Variants in ZNF219 observed in about 807,000 individuals in gnomAD.
ZNF219 encodes the protein zinc finger protein 219.
Under a neutral mutation model 54.4 loss-of-function variants are expected in ZNF219, and 17 were observed. That is an observed-to-expected ratio of 0.31 (90% CI 0.21 to 0.47). ZNF219 has a LOEUF of 0.47. Ranked by LOEUF, ZNF219 falls within the 20% of genes least tolerant of loss-of-function variation. The probability of loss-of-function intolerance (pLI) is 1.00; values close to 1 mark genes in which losing one functional copy is unlikely to be tolerated. For synonymous variants in ZNF219, 518 were observed against 476.4 expected (o/e 1.09, Z -1.14); for missense variants, 1,014 against 1,062.3 (o/e 0.95, Z 0.63).
At chr14:21,095,719 C>T (rs1446846979) in intron 1 of ZNF219, among the ~76,000 whole-genome samples, 1 of 152,000 alleles carries the variant, frequency 6.6e-6, no homozygotes, top group Admixed American at 6.6e-5. Flanking sequence ...ATCGCAGATA[C>T]AACACAGAAA....
rs912588840 is a variant in ZNF219, at chr14:21,092,150, T to G, written c.1147A>C (p.Ser383Arg). The G allele has an allele frequency of 6.1e-6, 9 of 1,478,218 alleles. No individual in the cohort carries two copies. Among genetic ancestry groups the G allele is most frequent in the Non-Finnish European group, 8.0e-6 (9 of 1,119,784 alleles). The allele number at this position is 1,478,218 out of a possible 1,614,324, so 91.6% of individuals were successfully genotyped here. The change falls in exon 3 of 5, where the codon AGC becomes CGC. Residue 383 changes from serine (S) to arginine (R), a missense_variant. By Grantham distance (110) the Ser-to-Arg change is moderately radical. This residue lies in a region of ZNF219 where 272 missense variants were observed against 248.9 expected (regional missense o/e 1.09). Transcript: ENST00000360947. ...GGCCGGCCCTCGCCAGCTCGCAGGC[T>G]CAGGTAGCCCAAGAGGCTCGGGGGC... is the stretch of plus-strand genomic sequence containing the variant. ...REPPSLLGYL[S>R]LRAGEGRPNG...
chr14:21,102,509 C>T (rs1403967931), upstream of ZNF219: 6 of 1,551,632 alleles, frequency 3.9e-6, no homozygotes, highest in Non-Finnish European at 4.4e-6. Context: ...CAACTGCCTC[C>T]TCCCAGGTAC....
chr14:21,097,628 C>T (rs1889347938), intron 1 of ZNF219, among the ~76,000 whole-genome samples: 1 of 152,076 alleles, frequency 6.6e-6, no homozygotes, highest in Non-Finnish European at 1.5e-5. Context: ...CCAGCAGCAC[C>T]CCAGACCCCT....
intron 1 of ZNF219, among the ~76,000 whole-genome samples, chr14:21,094,726 T>TGGGCGGG (rs796574922): frequency 1.7e-4 from 1 of 5,892 alleles, no homozygotes; most frequent in Non-Finnish European, 3.4e-4. Flanking sequence ...GGATAGGGGT[T>TGGGCGGG]GGGGGGGGGG....
In ZNF219 at chr14:21,091,955, A is replaced by C; in HGVS notation, c.1342T>G (p.Ser448Ala). The stretch of plus-strand genomic sequence containing the variant: ...GGGCGCGGGTGCAGGGAAGCCAGAG[A>C]GCCCAGCGACCTGCCCCGGGCCCAG... ...ETWARGRSLG[S>A]LASLHPRPGE... The change falls in exon 3 of 5, where the codon TCT becomes GCT. Residue 448 changes from serine to alanine, a missense_variant. Around this residue, in one of 5 missense-constraint regions of ZNF219, gnomAD observed 272 missense variants for 248.9 expected, o/e 1.09. Coordinates refer to ENST00000360947, the MANE Select transcript of ZNF219 (RefSeq NM_016423.3). 1.3e-6 allele frequency: 2 copies of C among 1,594,990 alleles called. No individual in the cohort carries two copies. Among genetic ancestry groups the C allele is most frequent in the Non-Finnish European group, 1.7e-6 (2 of 1,171,732 alleles).
chr14:21,092,988 G>A lies in ZNF219; in HGVS notation c.309C>T (p.His103=), dbSNP rs1263861717. The A allele has an allele frequency of 6.3e-6, 10 of 1,597,750 alleles. No individual in the cohort carries two copies. The Admixed American group carries it at 8.5e-5, about 14-fold the overall frequency. ...RAAQRALLRS[H]LRTHQPERPR... ...GGCGCTCGGGCTGGTGTGTGCGCAG[G>A]TGCGAGCGCAGCAGAGCCCGCTGCG... The change falls in exon 3 of 5, where the codon CAC becomes CAT. Residue 103 remains histidine (H), a synonymous_variant. Coordinates refer to ENST00000360947, the MANE Select transcript of ZNF219 (RefSeq NM_016423.3).
At chr14:21,099,356 A>G (rs2139336942), upstream of ZNF219, among the ~76,000 whole-genome samples, 1 of 152,364 alleles carries the variant, frequency 6.6e-6, no homozygotes, top group Admixed American at 6.5e-5. Flanking sequence ...AGTGGCCTGC[A>G]GGCTCGGGGA....
Position 21,090,935 on chromosome 14 carries a change from GC to G in ZNF219, c.1769del (p.Gly590AlafsTer158). Reference sequence around the variant, plus strand: ...TAGAAGGAGGCCGGGGACTTGAGGCGCCCTCCACCCAGGTCGCAGGCTGCGG... The same window carrying G: ...TAGAAGGAGGCCGGGGACTTGAGGCGCCTCCACCCAGGTCGCAGGCTGCGG... ...PSPQPATWVE[G>X]ASSPRPPSSG... On this transcript the variant is annotated frameshift_variant, in exon 5 of 5. Transcript: ENST00000360947. LOFTEE classifies it high-confidence loss of function. The surrounding 1 kb of genome is among the most constrained non-coding windows in gnomAD (Gnocchi z 4.4). 6.5e-7 allele frequency: 1 copy of G among 1,546,682 alleles called. No individual in the cohort carries two copies. Among genetic ancestry groups the G allele is most frequent in the Non-Finnish European group, 8.7e-7 (1 of 1,150,932 alleles).
chr14:21,094,375 TAA>T (rs1043772582), intron 1 of ZNF219: 2 of 455,818 alleles, frequency 4.4e-6, no homozygotes, highest in Admixed American at 2.4e-5. Flanking sequence ...GGGAAGGGGC[TAA>T]AAACTGCAAA....
chr14:21,104,317 G>A (rs1285682112), intron 1 of ZNF219: 1 of 152,378 alleles, frequency 6.6e-6, no homozygotes, highest in Non-Finnish European at 1.5e-5. Context: ...CTCGGCTGCG[G>A]TCGGGTTGCT....
upstream of ZNF219, chr14:21,102,717 C>G: frequency 6.4e-7 from 1 of 1,551,478 alleles, no homozygotes; most frequent in African/African-American, 1.4e-5. Flanking sequence ...CCTATTCTTG[C>G]TGAGCCAGAG....
chr14:21,094,790 C>T (rs1284841506), intron 1 of ZNF219, among the ~76,000 whole-genome samples: 1 of 133,428 alleles, frequency 7.5e-6, no homozygotes, highest in South Asian at 2.3e-4. Context: ...TTAGAAGAAA[C>T]CCCAGAATCA....
Position 21,091,915 on chromosome 14 carries a change from C to T in ZNF219, c.1382G>A (p.Gly461Glu), listed in dbSNP as rs147838799. 233 of 1,598,686 alleles carry T rather than the reference C, an allele frequency of 1.5e-4. No homozygotes were observed. Among genetic ancestry groups the T allele is most frequent in the Non-Finnish European group, 1.9e-4 (225 of 1,173,782 alleles). The change falls in exon 3 of 5, where the codon GGG becomes GAG. Residue 461 changes from glycine (G) to glutamate (E), a missense_variant. Gly to Glu is a moderately conservative substitution (Grantham distance 98). Around this residue, in one of 5 missense-constraint regions of ZNF219, gnomAD observed 272 missense variants for 248.9 expected, o/e 1.09. Transcript: ENST00000360947. ...GGCCCCAGCAGCAGAGGCAGAGTGC[C>T]CCGGTCCCTCACCCGGGCGCGGGTG... ...SLHPRPGEGP[G>E]HSASAAGAQA... is the part of the protein sequence containing the mutation.
In ZNF219 at chr14:21,093,071, G is replaced by T; in HGVS notation, c.226C>A (p.Leu76Met). The change falls in exon 3 of 5, where the codon CTG (leucine) becomes ATG (methionine). Residue 76 changes from leucine (L) to methionine (M), a missense_variant. Transcript: ENST00000360947. ...FRFNSILALH[L>M]RAHPGAQAFQ... ...GCCTGGGCTCCTGGGTGCGCCCGCA[G>T]GTGCAAAGCAAGGATAGAGTTGAAG... 1 of 1,602,852 alleles carries T rather than the reference G, an allele frequency of 6.2e-7. No homozygotes were observed. Among genetic ancestry groups the T allele is most frequent in the Non-Finnish European group, 8.5e-7 (1 of 1,176,032 alleles).
In ZNF219 at chr14:21,093,084, G is replaced by A. The variant is rs767820721; in HGVS notation, c.213C>T (p.Ile71=). The A allele has an allele frequency of 5.6e-6, 9 of 1,605,712 alleles. No individual in the cohort carries two copies. Among genetic ancestry groups the A allele is most frequent in the Non-Finnish European group, 5.1e-6 (6 of 1,177,308 alleles). The change falls in exon 3 of 5, where the codon ATC becomes ATT. Residue 71 remains isoleucine, a synonymous_variant. Coordinates refer to ENST00000360947, the MANE Select transcript of ZNF219 (RefSeq NM_016423.3). Reference sequence around the variant, plus strand: ...GGTGCGCCCGCAGGTGCAAAGCAAGGATAGAGTTGAAGCGGAAGCGCTTCC... The same window carrying A: ...GGTGCGCCCGCAGGTGCAAAGCAAGAATAGAGTTGAAGCGGAAGCGCTTCC... ...VCGKRFRFNS[I]LALHLRAHPG...
Position 21,091,889 on chromosome 14 carries a change from G to GGGC in ZNF219, c.1405_1407dup (p.Ala469dup), listed in dbSNP as rs750952719. The GGGC allele has an allele frequency of 6.3e-6, 10 of 1,576,344 alleles. No individual in the cohort carries two copies. In the Admixed American group the frequency reaches 1.7e-4, roughly 26 times the overall value. On this transcript the variant is annotated inframe_insertion, in exon 3 of 5. Coordinates refer to ENST00000360947, the MANE Select transcript of ZNF219 (RefSeq NM_016423.3). Reference sequence around the variant, plus strand: ...CCCTGCGTGGCGGTCGATCTTGCCTGGGCCCCAGCAGCAGAGGCAGAGTGC... The same window carrying GGGC: ...CCCTGCGTGGCGGTCGATCTTGCCTGGGCGGCCCCAGCAGCAGAGGCAGAGTGC...
chr14:21,098,119 C>A (rs1889389891), intron 1 of ZNF219, among the ~76,000 whole-genome samples, 193 bp downstream of exon 1: 1 of 150,346 alleles, frequency 6.7e-6, no homozygotes, highest in Non-Finnish European at 1.5e-5. Context: ...GCCACCCCCA[C>A]CCCGCCCCCC....
chr14:21,101,456 G>C (rs544149989), upstream of ZNF219: 16 of 1,551,066 alleles, frequency 1.0e-5, no homozygotes, highest in East Asian at 3.9e-4. Flanking sequence ...CTAGCGGTGA[G>C]GCCAGGCTAC....
At chr14:21,104,642 G>C (rs1464151155) in exon 1 of ZNF219, 2 of 152,244 alleles carry the variant, frequency 1.3e-5, no homozygotes, top group South Asian at 2.1e-4. Context: ...TGAGGATAGA[G>C]CGCAGCCTGG....
Sources: allele counts gnomAD v4.1 joint callset (sites outside exome capture counted in the v4.1 genomes callset), GRCh38; gene constraint gnomAD v4.1.1; regional missense constraint gnomAD v4.1.1; non-coding constraint Gnocchi (gnomAD v3.1); transcripts MANE v1.5; gene names NCBI Gene and HGNC (gene_info 2026-07-23, HGNC 2026-07-21).